Variants in KIRREL1 observed in about 807,000 individuals in gnomAD.
The protein encoded by KIRREL1 is kin of IRRE-like protein 1.
A neutral mutation model predicts 83.3 loss-of-function variants in KIRREL1; 25 were observed. The observed-to-expected ratio is 0.30, with a 90% CI of 0.22 to 0.42. KIRREL1 has a LOEUF of 0.42. KIRREL1 is among the 10% of genes least tolerant of loss of function. KIRREL1 has a pLI of 1.00. For synonymous variants in KIRREL1, 388 were observed against 410.4 expected, an observed-to-expected ratio of 0.95 and a Z score of 0.66; for missense variants, 812 against 1,032.3, an observed-to-expected ratio of 0.79 and a Z score of 2.92.
In KIRREL1 at chr1:158,089,577, A is replaced by T; in HGVS notation, c.1120A>T (p.Ile374Phe). ...ADAGTYTCRA[I>F]VPRIGVAERE... Reference sequence around the variant, plus strand: ...CGCTGGCACCTACACCTGCCGGGCCATCGTGCCTCGAATCGGAGTGGCTGA... The same window carrying T: ...CGCTGGCACCTACACCTGCCGGGCCTTCGTGCCTCGAATCGGAGTGGCTGA... The change falls in exon 9 of 15, where the codon ATC (isoleucine) becomes TTC (phenylalanine). Residue 374 changes from isoleucine (I) to phenylalanine (F), a missense_variant. Transcript: ENST00000359209. 6.2e-7 allele frequency: 1 copy of T among 1,614,034 alleles called. No individual in the cohort carries two copies. Among genetic ancestry groups the T allele is most frequent in the South Asian group, 1.1e-5 (1 of 91,076 alleles).
At chr1:158,064,725 C>T (rs1029379171) in intron 1 of KIRREL1, among the ~76,000 whole-genome samples, 1 of 152,080 alleles carries the variant, frequency 6.6e-6, no homozygotes, top group Non-Finnish European at 1.5e-5. Flanking sequence ...TGGGGACACA[C>T]CTGTGTTATG....
intron 1 of KIRREL1, among the ~76,000 whole-genome samples, chr1:158,066,686 C>A (rs537624211): frequency 1.3e-5 from 2 of 152,294 alleles, no homozygotes; most frequent in East Asian, 3.9e-4. Context: ...CTCCCCGTCC[C>A]TTTCTGCTTT....
intron 1 of KIRREL1, among the ~76,000 whole-genome samples, chr1:158,020,178 A>AC (rs1344100250): frequency 1.3e-5 from 2 of 152,076 alleles, no homozygotes; most frequent in Non-Finnish European, 2.9e-5. Context: ...CTCCCAGAGC[A>AC]CCTGGTCAGG....
intron 1 of KIRREL1, among the ~76,000 whole-genome samples, chr1:157,996,569 G>A (rs996861997): frequency 2.6e-5 from 4 of 151,990 alleles, no homozygotes; most frequent in South Asian, 2.1e-4. Flanking sequence ...GAGGAGGCCC[G>A]AGGGCCTCCT....
Position 158,094,428 on chromosome 1 carries a change from T to A in KIRREL1, c.1797+38T>A. The A allele has an allele frequency of 6.3e-7, 1 of 1,586,826 alleles. No individual in the cohort carries two copies. On this transcript the variant is annotated intron_variant, in intron 14 of 14. Transcript: ENST00000359209. The surrounding 1 kb of genome is among the most constrained non-coding windows in gnomAD (Gnocchi z 4.6). ...GAAGGGGCCAGGGCATGAGGGCTGG[T>A]GGGCCAGTGGGTTTCTGAGGTCCTG...
At chr1:158,036,287 A>G (rs1318753194) in intron 1 of KIRREL1, among the ~76,000 whole-genome samples, 1 of 152,150 alleles carries the variant, frequency 6.6e-6, no homozygotes, top group East Asian at 1.9e-4. Flanking sequence ...TAACTTATTC[A>G]GATAAATACT....
chr1:158,096,980 G>T lies in KIRREL1; in HGVS notation c.*1860G>T. On this transcript the variant is annotated 3_prime_UTR_variant, in exon 15 of 15. Coordinates refer to ENST00000359209, the MANE Select transcript of KIRREL1 (RefSeq NM_018240.7). ...GATGGGTCTGGGGGGCGACATTCCT[G>T]GCCAACCCCTTGTAGGAAGGACCAG... The T allele has an allele frequency of 2.2e-6, 1 of 456,830 alleles. No homozygotes were observed. 28.3% of individuals were successfully genotyped at this position (456,830 alleles called of 1,614,324 possible).
At position 158,085,598 on chromosome 1, in the gene KIRREL1, C is replaced by A. The variant is rs182381818; in HGVS notation, c.511-998C>A. On this transcript the variant is annotated intron_variant, in intron 4 of 14. Transcript: ENST00000359209. ...GTCATCTACCCCCATTTTTCATATT[C>A]ATTAAAGACAATGGAGCTTCAAAGC... Among the ~76,000 whole-genome samples, 5 of 152,252 alleles carry A rather than the reference C, an allele frequency of 3.3e-5. No homozygotes were observed. The East Asian group carries it at 9.7e-4, about 29-fold the overall frequency.
rs770848383 is a variant in KIRREL1 at position 158,094,897 on chromosome 1, A to G, written c.2051A>G (p.Tyr684Cys). Reference sequence around the variant, plus strand: ...ACTGACACAACCAGCCAGCTGTCCTACGAGAACTATGAGAAGTTCAACTCC... The same window carrying G: ...ACTGACACAACCAGCCAGCTGTCCTGCGAGAACTATGAGAAGTTCAACTCC... Reference protein sequence around the residue: ...AGTDTTSQLSYENYEKFNSHP... With the variant: ...AGTDTTSQLSCENYEKFNSHP... The change falls in exon 15 of 15, where the codon TAC (tyrosine) becomes TGC (cysteine). Residue 684 changes from tyrosine (Y) to cysteine (C), a missense_variant. Physicochemically the swap from Tyr to Cys is radical, Grantham distance 194. This residue lies in a region of KIRREL1 where 334 missense variants were observed against 383.7 expected (regional missense o/e 0.87). Transcript: ENST00000359209. This position sits in a 1 kb window ranked among gnomAD's most constrained non-coding sequence, Gnocchi z 4.6. 5.0e-6 allele frequency: 8 copies of G among 1,613,954 alleles called. No homozygotes were observed. Among genetic ancestry groups the G allele is most frequent in the Non-Finnish European group, 6.8e-6 (8 of 1,179,966 alleles).
At chr1:158,068,324 G>C (rs531328591) in intron 1 of KIRREL1, among the ~76,000 whole-genome samples, 1 of 152,296 alleles carries the variant, frequency 6.6e-6, no homozygotes, top group African/African-American at 2.4e-5. Flanking sequence ...TCATTCCTCT[G>C]AGATTATCCA....
chr1:158,086,851 G>A (rs1030382651), intron 5 of KIRREL1, 105 bp downstream of exon 5: 25 of 1,048,814 alleles, frequency 2.4e-5, no homozygotes, highest in African/African-American at 4.8e-5. Context: ...GTCCCCCTAT[G>A]GTCCCCAGGA....
chr1:158,063,166 C>T (rs1661260279), intron 1 of KIRREL1, among the ~76,000 whole-genome samples: 1 of 152,190 alleles, frequency 6.6e-6, no homozygotes, highest in South Asian at 2.1e-4. Flanking sequence ...TTATTGAATA[C>T]CTACTCTGTG....
chr1:158,020,824 A>C (rs1016596153), intron 1 of KIRREL1, among the ~76,000 whole-genome samples: 1 of 152,178 alleles, frequency 6.6e-6, no homozygotes, highest in African/African-American at 2.4e-5. Flanking sequence ...ATTCATTATC[A>C]TGCTTTCCAA....
chr1:158,075,092 G>A (rs945562135), intron 1 of KIRREL1, among the ~76,000 whole-genome samples: 15 of 152,160 alleles, frequency 9.9e-5, no homozygotes, highest in African/African-American at 3.6e-4. Context: ...AAAGGAACCT[G>A]AGCCCCATAG....
chr1:158,058,937 G>A lies in KIRREL1; in HGVS notation c.53-17176G>A, dbSNP rs369536278. Among the ~76,000 whole-genome samples the A allele has an allele frequency of 5.9e-5, 9 of 152,298 alleles. No individual in the cohort carries two copies. The East Asian group carries it at 1.4e-3, about 23-fold the overall frequency. ...ACGCCGCAGCCGACATGTCCTGAGAGATGTGGAGGGCCTTGCTCTTTGGAG... is the reference window on the plus strand; with the variant it reads ...ACGCCGCAGCCGACATGTCCTGAGAAATGTGGAGGGCCTTGCTCTTTGGAG... On this transcript the variant is annotated intron_variant, in intron 1 of 14. Coordinates refer to ENST00000359209, the MANE Select transcript of KIRREL1 (RefSeq NM_018240.7).
At chr1:158,035,013 T>C (rs777735040) in intron 1 of KIRREL1, among the ~76,000 whole-genome samples, 29 of 145,576 alleles carry the variant, frequency 2.0e-4, no homozygotes, top group Non-Finnish European at 3.3e-4. Context: ...TGTGTGTATA[T>C]GTGTGTGTAT....
In KIRREL1 at chr1:158,096,304, T is replaced by C. The variant is rs151153420; in HGVS notation, c.*1184T>C. ...GGCTCTCAGTCTCTACTCTCCTATG[T>C]CCCATCAGTTGGTTGGAGGCCACCT... is the stretch of plus-strand genomic sequence containing the variant. On this transcript the variant is annotated 3_prime_UTR_variant, in exon 15 of 15. Coordinates refer to ENST00000359209, the MANE Select transcript of KIRREL1 (RefSeq NM_018240.7). 751 of 346,368 alleles carry C rather than the reference T, an allele frequency of 2.2e-3. 8 individuals carry two copies. Among genetic ancestry groups the C allele is most frequent in the African/African-American group, 0.015 (716 of 46,662 alleles). 21.5% of individuals were successfully genotyped at this position (346,368 alleles called of 1,614,324 possible).
intron 1 of KIRREL1, among the ~76,000 whole-genome samples, chr1:157,996,626 G>A (rs1659211368): frequency 6.6e-6 from 1 of 152,174 alleles, no homozygotes; most frequent in Non-Finnish European, 1.5e-5. Context: ...TCCTGGCAGA[G>A]AACAGCAGGT....
chr1:158,052,971 C>T (rs1404814436), intron 1 of KIRREL1, among the ~76,000 whole-genome samples: 2 of 152,098 alleles, frequency 1.3e-5, no homozygotes, highest in South Asian at 4.1e-4. Context: ...AAACAACCAG[C>T]TCATGTGTGA....
Sources: allele counts gnomAD v4.1 joint callset (sites outside exome capture counted in the v4.1 genomes callset), GRCh38; gene constraint gnomAD v4.1.1; regional missense constraint gnomAD v4.1.1; non-coding constraint Gnocchi (gnomAD v3.1); transcripts MANE v1.5; gene names NCBI Gene and HGNC (gene_info 2026-07-23, HGNC 2026-07-21).